The following SNAP23 variants were observed in gnomAD, a reference collection of about 807,000 sequenced individuals.
SNAP23 encodes the protein synaptosome associated protein 23, also known as synaptosomal-associated protein 23.
A neutral mutation model predicts 29.0 loss-of-function variants in SNAP23; 11 were observed. The observed-to-expected ratio is 0.38, with a 90% CI of 0.24 to 0.63. The LOEUF (loss-of-function observed/expected upper bound fraction) is 0.63. Among genes scored for constraint, SNAP23 ranks in the 20% least tolerant of loss-of-function variants. The pLI is 0.58. For missense variants in SNAP23, 220 were observed against 253.9 expected (o/e 0.87, Z 0.91); for synonymous variants, 60 against 82.9 (o/e 0.72, Z 1.50).
Position 42,530,738 on chromosome 15 carries a change from A to G in SNAP23, c.571-675A>G, listed in dbSNP as rs114446269. On this transcript the variant is annotated intron_variant, in intron 7 of 7. Coordinates refer to ENST00000249647, the MANE Select transcript of SNAP23 (RefSeq NM_003825.4). ...GCATTCCAGCCTGGGCAACAGAGTG[A>G]GACCCTTTCTCAAAAAGAAAGGAAA... Among the ~76,000 whole-genome samples, 864 of 152,308 alleles carry G rather than the reference A, an allele frequency of 5.7e-3. 13 individuals carry two copies. The highest frequency in any genetic ancestry group is 0.02 in the African/African-American group (822 of 41,566).
Position 42,529,969 on chromosome 15 carries a change from A to G in SNAP23, c.570+150A>G, listed in dbSNP as rs187291273. The G allele has an allele frequency of 2.6e-5, 21 of 792,922 alleles. No individual in the cohort carries two copies. In the East Asian group the frequency reaches 5.7e-4, roughly 22 times the overall value. 49.1% of individuals were successfully genotyped at this position (792,922 alleles called of 1,614,324 possible). A position where few individuals can be genotyped will look rare whatever the true frequency, so the allele number is the denominator to read the frequency against. On this transcript the variant is annotated intron_variant, in intron 7 of 7. Transcript: ENST00000249647. Reference sequence around the variant, plus strand: ...TGATGAGGTGGTGGTTCTAACACATAAAACAAGAGCCAAGTCCTCCCTGTC... The same window carrying G: ...TGATGAGGTGGTGGTTCTAACACATGAAACAAGAGCCAAGTCCTCCCTGTC...
At chr15:42,517,300 A>T (rs1489681845) in intron 5 of SNAP23, among the ~76,000 whole-genome samples, 2 of 152,228 alleles carry the variant, frequency 1.3e-5, no homozygotes, top group African/African-American at 2.4e-5. Flanking sequence ...AAATGTACAG[A>T]TTATTTGATA....
intron 1 of SNAP23, among the ~76,000 whole-genome samples, chr15:42,510,665 A>T (rs1007778937): frequency 1.2e-4 from 19 of 152,216 alleles, no homozygotes; most frequent in Non-Finnish European, 2.5e-4. Flanking sequence ...AGAGATACAA[A>T]GATAAAATCT....
chr15:42,520,588 G>A (rs189905400), intron 5 of SNAP23, among the ~76,000 whole-genome samples: 25 of 151,806 alleles, frequency 1.6e-4, no homozygotes, highest in African/African-American at 2.9e-4. Context: ...TCCGCCTCCC[G>A]GGTTCACGCC....
At chr15:42,492,338 T>A (rs1361811832), upstream of SNAP23, among the ~76,000 whole-genome samples, 2 of 152,202 alleles carry the variant, frequency 1.3e-5, no homozygotes, top group South Asian at 2.1e-4. Flanking sequence ...TCCTATATTA[T>A]TGAGATTATA....
At position 42,530,337 on chromosome 15, in the gene SNAP23, G is replaced by C. The variant is rs544199126; in HGVS notation, c.570+518G>C. ...TCTGTTCTGCAGAATAGTTCTTATG[G>C]AGTGGACACACGAAATAGAGTCATG... On this transcript the variant is annotated intron_variant, in intron 7 of 7. Coordinates refer to ENST00000249647, the MANE Select transcript of SNAP23 (RefSeq NM_003825.4). 2.5e-4 allele frequency among the ~76,000 whole-genome samples: 38 copies of C among 152,298 alleles called. 1 individual carries two copies. The highest frequency in any genetic ancestry group is 2.0e-3 in the Admixed American group (30 of 15,296).
upstream of SNAP23, chr15:42,495,401 C>G (rs541110537): frequency 1.9e-4 from 29 of 152,388 alleles, no homozygotes; most frequent in African/African-American, 7.0e-4. Flanking sequence ...CTTCAGCGTT[C>G]ATCCAGCACA....
chr15:42,509,917 A>C (rs1369751429), intron 1 of SNAP23, among the ~76,000 whole-genome samples: 1 of 151,944 alleles, frequency 6.6e-6, no homozygotes, highest in African/African-American at 2.4e-5. Context: ...AAAAATACAG[A>C]AATTAGTGGG....
chr15:42,525,451 CTTTTTTTT>C (rs1158969519), intron 5 of SNAP23, among the ~76,000 whole-genome samples: 56 of 47,184 alleles, frequency 1.2e-3, no homozygotes, highest in African/African-American at 2.8e-3. Context: ...ATCCAGTCTT[CTTTTTTTT>C]TTTTTTTTTT....
chr15:42,531,348 G>A lies in SNAP23; in HGVS notation c.571-65G>A. On this transcript the variant is annotated intron_variant, in intron 7 of 7. Transcript: ENST00000249647. ...TCTTGGTGTGTCAGTTACTCCAAGT[G>A]TAAAAAGTTTAATTTTTATTAGAGT... is the stretch of plus-strand genomic sequence containing the variant. 4 of 1,158,516 alleles carry A rather than the reference G, an allele frequency of 3.5e-6. No homozygotes were observed. In the South Asian group the frequency reaches 8.0e-5, roughly 23 times the overall value. The allele number at this position is 1,158,516 out of a possible 1,614,324, so 71.8% of individuals were successfully genotyped here. A position where few individuals can be genotyped will look rare whatever the true frequency, so the allele number is the denominator to read the frequency against.
intron 5 of SNAP23, chr15:42,521,566 TTC>T: frequency 6.6e-7 from 1 of 1,522,148 alleles, no homozygotes; most frequent in Non-Finnish European, 8.8e-7. Context: ...CTGCATTTCA[TTC>T]TCTCACCTAA....
chr15:42,503,567 G>A (rs1364883995), intron 1 of SNAP23, among the ~76,000 whole-genome samples: 2 of 151,968 alleles, frequency 1.3e-5, no homozygotes, highest in East Asian at 3.9e-4. Flanking sequence ...ACGGGGTTTT[G>A]CCGTGTTGGC....
chr15:42,524,374 C>A lies in SNAP23; in HGVS notation c.267-3888C>A, dbSNP rs190243153. ...GTGTTCTACAGCAGGGGCCCTCAAC[C>A]CCCCCAGCCATGGACCACTATTGGT... On this transcript the variant is annotated intron_variant, in intron 5 of 7. Transcript: ENST00000249647. Among the ~76,000 whole-genome samples, 67 of 152,206 alleles carry A rather than the reference C, an allele frequency of 4.4e-4. 1 individual carries two copies. The highest frequency in any genetic ancestry group is 3.9e-3 in the South Asian group (19 of 4,826).
chr15:42,521,481 G>A, intron 5 of SNAP23: 1 of 1,340,562 alleles, frequency 7.5e-7, no homozygotes, highest in Non-Finnish European at 9.6e-7. Context: ...ATGAAACCAG[G>A]CAGGAAATTG....
At chr15:42,505,887 TCCTC>T (rs1468501321) in intron 1 of SNAP23, among the ~76,000 whole-genome samples, 5 of 150,930 alleles carry the variant, frequency 3.3e-5, no homozygotes, top group African/African-American at 7.3e-5. Context: ...TCTCCTCCCT[TCCTC>T]CCTCCCTCCC....
At chr15:42,494,702 A>G (rs556832234), upstream of SNAP23, among the ~76,000 whole-genome samples, 20 of 151,846 alleles carry the variant, frequency 1.3e-4, no homozygotes, top group African/African-American at 3.9e-4. Context: ...TTTTTAGTAG[A>G]GATGGGGTTT....
At chr15:42,529,138 G>C (rs2057537252) in intron 6 of SNAP23, among the ~76,000 whole-genome samples, 1 of 152,130 alleles carries the variant, frequency 6.6e-6, no homozygotes, top group Non-Finnish European at 1.5e-5. Context: ...TCTGTTGTAG[G>C]GTTAAAGCAG....
Position 42,503,368 on chromosome 15 carries a change from A to ATTT in SNAP23, c.-15+7672_-15+7674dup, listed in dbSNP as rs5812222. Among the ~76,000 whole-genome samples the ATTT allele has an allele frequency of 3.8e-3, 440 of 116,280 alleles. 3 individuals are homozygous for ATTT. Among genetic ancestry groups the ATTT allele is most frequent in the African/African-American group, 0.013 (428 of 32,052 alleles). 76.3% of individuals were successfully genotyped at this position (116,280 alleles called of 152,430 possible). On this transcript the variant is annotated intron_variant, in intron 1 of 7. Transcript: ENST00000249647. ...AGGTGCCCGCCACCACGCCTGGCTA[A>ATTT]TTTTTTTTTTTTTTTTTTTGAGATG...
chr15:42,515,303 CTT>C lies in SNAP23; in HGVS notation c.217_218del (p.Leu73AsnfsTer15), dbSNP rs752189015. 6.2e-7 allele frequency: 1 copy of C among 1,612,842 alleles called. No individual in the cohort carries two copies. Among genetic ancestry groups the C allele is most frequent in the Admixed American group, 1.7e-5 (1 of 59,838 alleles). Reference sequence around the variant, plus strand: ...AAGGACATGAGAGAGACAGAGAAGACTTTAACAGAACTCAACAAATGCTGTGG... The same window carrying C: ...AAGGACATGAGAGAGACAGAGAAGACTAACAGAACTCAACAAATGCTGTGG... On this transcript the variant is annotated frameshift_variant, in exon 5 of 8. Coordinates refer to ENST00000249647, the MANE Select transcript of SNAP23 (RefSeq NM_003825.4). LOFTEE classifies it high-confidence loss of function.
Sources: allele counts gnomAD v4.1 joint callset (sites outside exome capture counted in the v4.1 genomes callset), GRCh38; gene constraint gnomAD v4.1.1; transcripts MANE v1.5; gene names NCBI Gene and HGNC (gene_info 2026-07-23, HGNC 2026-07-21).